CACNA1D: variants seen among roughly 807,000 people sequenced by gnomAD.
CACNA1D encodes calcium voltage-gated channel subunit alpha1 D.
CACNA1D carries 55 observed loss-of-function variants against 257.1 expected under a neutral mutation model. That is an observed-to-expected ratio of 0.21 (90% CI 0.17 to 0.27). The LOEUF (loss-of-function observed/expected upper bound fraction) is 0.27. CACNA1D is among the 10% of genes least tolerant of loss of function. The probability of loss-of-function intolerance (pLI) is 1.00; values close to 1 mark genes in which losing one functional copy is unlikely to be tolerated. For missense variants in CACNA1D, 1,876 were observed against 2,784.0 expected, an observed-to-expected ratio of 0.67 and a Z score of 7.34; for synonymous variants, 980 against 1,014.9, an observed-to-expected ratio of 0.97 and a Z score of 0.65.
At chr3:53,787,401 A>T (rs555790078) in intron 40 of CACNA1D, among the ~76,000 whole-genome samples, 3 of 147,168 alleles carry the variant, frequency 2.0e-5, no homozygotes, top group Non-Finnish European at 3.0e-5. Context: ...TTTCAGTAAC[A>T]TCCATCACCT....
intron 45 of CACNA1D, 47 bp downstream of exon 45, chr3:53,805,193 G>GT: frequency 6.3e-7 from 1 of 1,579,852 alleles, no homozygotes; most frequent in Non-Finnish European, 8.7e-7. Context: ...GGGGAACAGT[G>GT]TACCTCTCCC....
intron 3 of CACNA1D, among the ~76,000 whole-genome samples, chr3:53,640,682 T>A (rs1279886402): frequency 1.3e-5 from 2 of 152,264 alleles, no homozygotes; most frequent in Non-Finnish European, 2.9e-5. Flanking sequence ...TTTGTTGATA[T>A]GATTTACCTT....
At chr3:53,533,345 G>A (rs181032187) in intron 3 of CACNA1D, among the ~76,000 whole-genome samples, 11 of 152,256 alleles carry the variant, frequency 7.2e-5, no homozygotes, top group Non-Finnish European at 5.9e-5. Context: ...CGCGTATGTG[G>A]GAGGAGAGGG....
intron 8 of CACNA1D, 92 bp from the exon 9 acceptor site, chr3:53,702,549 G>GC: frequency 8.1e-7 from 1 of 1,232,604 alleles, no homozygotes. Flanking sequence ...TGTGTGTCCT[G>GC]CCCACAAGAC....
intron 2 of CACNA1D, among the ~76,000 whole-genome samples, chr3:53,498,720 G>A (rs1422023559): frequency 2.0e-5 from 3 of 152,200 alleles, no homozygotes; most frequent in African/African-American, 4.8e-5. Context: ...CATGCCCTCT[G>A]TCTTTAGCTG....
chr3:53,666,272 C>T (rs1457638350), intron 6 of CACNA1D, 67 bp from the exon 7 acceptor site: 1 of 1,495,014 alleles, frequency 6.7e-7, no homozygotes, highest in African/African-American at 1.4e-5. Flanking sequence ...GGGTTCTCAC[C>T]TTCCGCTGGC....
At chr3:53,503,623 G>T (rs941865040) in intron 3 of CACNA1D, among the ~76,000 whole-genome samples, 3 of 152,166 alleles carry the variant, frequency 2.0e-5, no homozygotes, top group African/African-American at 7.2e-5. Context: ...GGAAATTCAG[G>T]GCACTGATAT....
At chr3:53,658,977 C>T (rs1382165472) in intron 4 of CACNA1D, among the ~76,000 whole-genome samples, 2 of 152,214 alleles carry the variant, frequency 1.3e-5, no homozygotes, top group African/African-American at 2.4e-5. Flanking sequence ...TTTATGGACT[C>T]GGTGTCTTGG....
Position 53,787,540 on chromosome 3 carries a change from C to T in CACNA1D, c.4923+588C>T, listed in dbSNP as rs564661614. On this transcript the variant is annotated intron_variant, in intron 40 of 47. Coordinates refer to ENST00000350061, the MANE Select transcript of CACNA1D (RefSeq NM_001128840.3). Reference sequence around the variant, plus strand: ...CTGTGCACATGCTATGCTCTCATGCCCCAGCCAGCCTCTGGTCCCTCTCCC... The same window carrying T: ...CTGTGCACATGCTATGCTCTCATGCTCCAGCCAGCCTCTGGTCCCTCTCCC... Among the ~76,000 whole-genome samples, 21 of 151,970 alleles carry T rather than the reference C, an allele frequency of 1.4e-4. No homozygotes were observed. In the South Asian group the frequency reaches 1.9e-3, roughly 14 times the overall value.
At chr3:53,706,134 C>G (rs367677029) in intron 9 of CACNA1D, among the ~76,000 whole-genome samples, 1 of 152,202 alleles carries the variant, frequency 6.6e-6, no homozygotes, top group African/African-American at 2.4e-5. Context: ...GGCCCGGGCT[C>G]CTGACTTTGT....
chr3:53,721,807 TA>T (rs58964113), intron 11 of CACNA1D, among the ~76,000 whole-genome samples: 1,930 of 143,902 alleles, frequency 0.013, 26 homozygotes, highest in African/African-American at 0.039. Context: ...AGGTTCCCTT[TA>T]AAAAAAAAAA....
intron 3 of CACNA1D, among the ~76,000 whole-genome samples, chr3:53,556,093 A>G (rs1030197170): frequency 9.9e-5 from 15 of 152,188 alleles, no homozygotes; most frequent in Non-Finnish European, 1.5e-5. Context: ...TTTGATATTC[A>G]TCCATGTTTA....
At chr3:53,546,760 TG>T (rs2092422626) in intron 3 of CACNA1D, among the ~76,000 whole-genome samples, 1 of 152,134 alleles carries the variant, frequency 6.6e-6, no homozygotes, top group Non-Finnish European at 1.5e-5. Flanking sequence ...ACAGAGCAAG[TG>T]GTTGGAAAAT....
chr3:53,574,992 C>T (rs2093011364), intron 3 of CACNA1D, among the ~76,000 whole-genome samples: 1 of 152,246 alleles, frequency 6.6e-6, no homozygotes, highest in Non-Finnish European at 1.5e-5. Context: ...GGTCTTGAGA[C>T]AGGGGCGCAG....
chr3:53,630,158 G>C (rs1277890784), intron 3 of CACNA1D, among the ~76,000 whole-genome samples: 1 of 152,242 alleles, frequency 6.6e-6, no homozygotes, highest in East Asian at 1.9e-4. Flanking sequence ...CCAATCTGAT[G>C]AAGTAGGGCC....
chr3:53,501,422 G>A (rs1266925919), intron 2 of CACNA1D, among the ~76,000 whole-genome samples, 193 bp from the exon 3 acceptor site: 1 of 152,172 alleles, frequency 6.6e-6, no homozygotes, highest in Admixed American at 6.5e-5. Flanking sequence ...CATTTGGTAG[G>A]AGGCTCCACT....
intron 3 of CACNA1D, among the ~76,000 whole-genome samples, chr3:53,584,480 T>A (rs1181080692): frequency 1.3e-5 from 2 of 152,214 alleles, no homozygotes; most frequent in African/African-American, 4.8e-5. Context: ...ACCTTTAACA[T>A]CTTATTGCAT....
intron 30 of CACNA1D, chr3:53,765,832 C>T (rs1366894577): frequency 6.6e-6 from 1 of 152,408 alleles, no homozygotes; most frequent in African/African-American, 2.4e-5. Flanking sequence ...CCTCCCATGT[C>T]CCCACACCCC....
intron 8 of CACNA1D, among the ~76,000 whole-genome samples, chr3:53,697,188 C>T (rs774854842): frequency 1.2e-4 from 18 of 152,190 alleles, no homozygotes; most frequent in Non-Finnish European, 2.1e-4. Context: ...GGGAAAATGG[C>T]GAGCTGGCCG....
Sources: allele counts gnomAD v4.1 joint callset (sites outside exome capture counted in the v4.1 genomes callset), GRCh38; gene constraint gnomAD v4.1.1; transcripts MANE v1.5; gene names NCBI Gene and HGNC (gene_info 2026-07-23, HGNC 2026-07-21).